Variants in GNAQ observed in about 807,000 individuals in gnomAD.
GNAQ encodes the protein G protein subunit alpha q.
GNAQ carries 8 observed loss-of-function variants against 43.9 expected under a neutral mutation model. The observed-to-expected ratio is 0.18, with a 90% CI of 0.11 to 0.33. The LOEUF is 0.33. GNAQ is among the 10% of genes least tolerant of loss of function. The pLI, the probability that GNAQ is intolerant of heterozygous loss-of-function variation, is 1.00. For missense variants in GNAQ, 158 were observed against 450.8 expected (o/e 0.35, Z 5.88); for synonymous variants, 155 against 170.7 (o/e 0.91, Z 0.71).
intron 3 of GNAQ, 43 bp from the exon 4 acceptor site, chr9:77,797,691 A>G (rs1826679396): frequency 1.3e-6 from 2 of 1,593,320 alleles, no homozygotes; most frequent in Middle Eastern, 1.7e-4. Context: ...TGACACCATC[A>G]CACCAAAGCT....
chr9:77,962,604 G>T (rs560573456), intron 1 of GNAQ, among the ~76,000 whole-genome samples: 75 of 152,174 alleles, frequency 4.9e-4, no homozygotes, highest in African/African-American at 1.7e-3. Flanking sequence ...AAAAGTGCAT[G>T]GAAGGCCAGG....
chr9:78,016,644 T>G (rs1041340191), intron 1 of GNAQ, among the ~76,000 whole-genome samples: 1 of 150,718 alleles, frequency 6.6e-6, no homozygotes, highest in Admixed American at 6.6e-5. Flanking sequence ...ATCACGCCAC[T>G]GCACTCCGGC....
intron 1 of GNAQ, among the ~76,000 whole-genome samples, chr9:78,025,975 T>A (rs1404500002): frequency 1.3e-5 from 2 of 152,154 alleles, no homozygotes; most frequent in African/African-American, 4.8e-5. Context: ...TCCTAAAAAA[T>A]TCATGGGTAA....
At chr9:77,790,103 A>G (rs1826544042) in intron 5 of GNAQ, among the ~76,000 whole-genome samples, 1 of 152,222 alleles carries the variant, frequency 6.6e-6, no homozygotes, top group Non-Finnish European at 1.5e-5. Flanking sequence ...CTTATGAATC[A>G]GGTCATGAAT....
intron 2 of GNAQ, among the ~76,000 whole-genome samples, chr9:77,843,314 G>C (rs964880794): frequency 6.6e-6 from 1 of 152,184 alleles, no homozygotes; most frequent in African/African-American, 2.4e-5. Flanking sequence ...CTGTCCTAGA[G>C]ACAGCAAGGA....
At chr9:77,746,716 A>C (rs998519882) in intron 5 of GNAQ, among the ~76,000 whole-genome samples, 1 of 152,216 alleles carries the variant, frequency 6.6e-6, no homozygotes, top group Non-Finnish European at 1.5e-5. Context: ...TAACTGTTGA[A>C]AGGATGGGAG....
In GNAQ at chr9:78,031,632, C is replaced by A. The variant is rs1824063669; in HGVS notation, c.-397G>T. ...GCCTGCGAGGCTCCCCTACGCCGTGCGCCTGGCGGCGAGAGCTCATTCACC... is the reference window on the plus strand; with the variant it reads ...GCCTGCGAGGCTCCCCTACGCCGTGAGCCTGGCGGCGAGAGCTCATTCACC... On this transcript the variant is annotated 5_prime_UTR_variant, in exon 1 of 7. Transcript: ENST00000286548. Among the ~76,000 whole-genome samples, 2 of 147,766 alleles carry A rather than the reference C, an allele frequency of 1.4e-5. No individual in the cohort carries two copies. Among genetic ancestry groups the A allele is most frequent in the South Asian group, 2.1e-4 (1 of 4,820 alleles).
At chr9:77,849,085 A>G (rs1827631394) in intron 2 of GNAQ, among the ~76,000 whole-genome samples, 1 of 152,188 alleles carries the variant, frequency 6.6e-6, no homozygotes, top group Non-Finnish European at 1.5e-5. Flanking sequence ...ATTAGGCACT[A>G]GCACCAAGTG....
chr9:77,796,166 T>C (rs1826655547), intron 4 of GNAQ, among the ~76,000 whole-genome samples: 2 of 152,110 alleles, frequency 1.3e-5, no homozygotes, highest in Admixed American at 6.5e-5. Context: ...AAACTGAGGC[T>C]CAGAAATAGT....
At chr9:77,999,181 T>C (rs569103376) in intron 1 of GNAQ, among the ~76,000 whole-genome samples, 2 of 147,856 alleles carry the variant, frequency 1.4e-5, no homozygotes, top group African/African-American at 4.9e-5. Context: ...AGATTACCTA[T>C]AAATGTTTAG....
At chr9:77,810,572 T>C (rs945425288) in intron 3 of GNAQ, among the ~76,000 whole-genome samples, 6 of 152,222 alleles carry the variant, frequency 3.9e-5, no homozygotes, top group Non-Finnish European at 8.8e-5. Flanking sequence ...AGGCTTTTCA[T>C]ATCCCAGACC....
intron 1 of GNAQ, among the ~76,000 whole-genome samples, chr9:77,991,212 G>A (rs1466136054): frequency 6.6e-6 from 1 of 152,190 alleles, no homozygotes; most frequent in Non-Finnish European, 1.5e-5. Context: ...GGTTTAAAAG[G>A]AATTTAGATG....
chr9:77,784,511 C>T (rs533695429), intron 5 of GNAQ, among the ~76,000 whole-genome samples: 13 of 152,010 alleles, frequency 8.6e-5, no homozygotes, highest in African/African-American at 1.4e-4. Context: ...CTTTATAAAA[C>T]GTGAAACTAT....
chr9:77,965,265 A>C (rs188042045), intron 1 of GNAQ, among the ~76,000 whole-genome samples: 1 of 152,148 alleles, frequency 6.6e-6, no homozygotes, highest in South Asian at 2.1e-4. Context: ...CTCACGAATC[A>C]ACCCTGTCCC....
chr9:77,839,539 C>T (rs755288347), intron 2 of GNAQ, among the ~76,000 whole-genome samples: 6 of 152,226 alleles, frequency 3.9e-5, no homozygotes, highest in East Asian at 1.9e-4. Context: ...AAAAAGGTAA[C>T]GTTCTGCATT....
chr9:77,973,172 G>A (rs1167142089), intron 1 of GNAQ, among the ~76,000 whole-genome samples: 1 of 152,058 alleles, frequency 6.6e-6, no homozygotes, highest in East Asian at 1.9e-4. Flanking sequence ...ATAAATGTGT[G>A]GGAATGGCCA....
rs956480201 is a variant in GNAQ, at chr9:77,718,323, C to T, written c.*3000G>A. On this transcript the variant is annotated 3_prime_UTR_variant, in exon 7 of 7. Coordinates refer to ENST00000286548, the MANE Select transcript of GNAQ (RefSeq NM_002072.5). ...TACAAAACTGAAAAGAATCCCGTCCCGCCCCTAGCCCCTTCAATAAAACCC... is the reference window on the plus strand; with the variant it reads ...TACAAAACTGAAAAGAATCCCGTCCTGCCCCTAGCCCCTTCAATAAAACCC... 1.0e-4 allele frequency: 24 copies of T among 232,294 alleles called. No homozygotes were observed. Among genetic ancestry groups the T allele is most frequent in the Non-Finnish European group, 1.6e-4 (19 of 117,536 alleles). The allele number at this position is 232,294 out of a possible 1,614,324, so 14.4% of individuals were successfully genotyped here. A position where few individuals can be genotyped will look rare whatever the true frequency, so the allele number is the denominator to read the frequency against.
intron 2 of GNAQ, among the ~76,000 whole-genome samples, chr9:77,868,502 A>G (rs1310718625): frequency 6.6e-6 from 1 of 152,242 alleles, no homozygotes; most frequent in African/African-American, 2.4e-5. Flanking sequence ...ATTCTTTGAG[A>G]AATATGAATG....
intron 1 of GNAQ, among the ~76,000 whole-genome samples, chr9:77,964,667 AAC>A (rs1823144719): frequency 7.3e-6 from 1 of 136,464 alleles, no homozygotes; most frequent in South Asian, 2.7e-4. Flanking sequence ...CTAAAAATAA[AAC>A]AAAAACAACA....
Sources: gnomAD v4.1 joint callset for allele counts (sites outside exome capture counted in the v4.1 genomes callset) on GRCh38, gnomAD v4.1.1 for gene constraint, MANE v1.5 for transcripts, NCBI Gene and HGNC (gene_info 2026-07-23, HGNC 2026-07-21) for gene names.